Variants in GALNT12 observed in about 807,000 individuals in gnomAD.
GALNT12 encodes the protein polypeptide N-acetylgalactosaminyltransferase 12, also known as UDP-GalNAc:polypeptide N-acetylgalactosaminyltransferase 12.
A neutral mutation model predicts 55.5 loss-of-function variants in GALNT12; 45 were observed. The ratio of observed to expected loss-of-function variants is 0.81; its 90% CI spans 0.64 to 1.04. The LOEUF is 1.04. Ranked by LOEUF, GALNT12 falls within the 50% of genes least tolerant of loss-of-function variation. The probability of loss-of-function intolerance (pLI) is 0.00; values close to 1 mark genes in which losing one functional copy is unlikely to be tolerated. For missense variants in GALNT12, 709 were observed against 754.8 expected, an observed-to-expected ratio of 0.94 and a Z score of 0.71; for synonymous variants, 304 against 312.2, an observed-to-expected ratio of 0.97 and a Z score of 0.28.
chr9:98,826,210 G>C (rs1004485091), intron 2 of GALNT12, among the ~76,000 whole-genome samples: 2 of 152,136 alleles, frequency 1.3e-5, no homozygotes, highest in Non-Finnish European at 2.9e-5. Context: ...TCAGAGGATT[G>C]TTATGAGGAT....
Position 98,834,160 on chromosome 9 carries a change from C to T in GALNT12, c.918-1089C>T, listed in dbSNP as rs141514768. Among the ~76,000 whole-genome samples the T allele has an allele frequency of 1.8e-4, 28 of 152,018 alleles. 1 individual carries two copies. The East Asian group carries it at 5.2e-3, about 28-fold the overall frequency. ...TCAAGTTGGGGTCTCGCTTTGTCAC[C>T]CAGGCTGGAGTGCAGTGGCATGATC... On this transcript the variant is annotated intron_variant, in intron 4 of 9. Transcript: ENST00000375011.
intron 1 of GALNT12, among the ~76,000 whole-genome samples, chr9:98,822,534 GGGGGGCAGGTGGCAGC>G (rs1835768966): frequency 6.6e-6 from 1 of 152,220 alleles, no homozygotes; most frequent in South Asian, 2.1e-4. Flanking sequence ...ACCACATCTT[GGGGGGCAGGTGGCAGC>G]GGGGATTTGG....
chr9:98,832,356 C>CA lies in GALNT12; in HGVS notation c.917+406dup, dbSNP rs1294184123. On this transcript the variant is annotated intron_variant, in intron 4 of 9. Coordinates refer to ENST00000375011, the MANE Select transcript of GALNT12 (RefSeq NM_024642.5). ...GCAACATAGCAAGAACCTATCTCTA[C>CA]AAAAAAATAAAAATTAGCTGAGCAT... Among the ~76,000 whole-genome samples, 10 of 151,776 alleles carry CA rather than the reference C, an allele frequency of 6.6e-5. 1 individual carries two copies. The South Asian group carries it at 1.7e-3, about 25-fold the overall frequency.
At chr9:98,833,283 G>A (rs945787066) in intron 4 of GALNT12, among the ~76,000 whole-genome samples, 5 of 152,188 alleles carry the variant, frequency 3.3e-5, no homozygotes, top group African/African-American at 9.7e-5. Flanking sequence ...AGTAGGCTCT[G>A]AGTTTTGCGT....
intron 3 of GALNT12, 79 bp downstream of exon 3, chr9:98,827,020 T>C: frequency 1.4e-6 from 2 of 1,464,452 alleles, no homozygotes; most frequent in South Asian, 1.2e-5. Context: ...ATCACGTCAC[T>C]TGAGGGTTAA....
At chr9:98,839,943 G>T in intron 6 of GALNT12, 59 bp from the exon 7 acceptor site, 1 of 1,609,514 alleles carries the variant, frequency 6.2e-7, no homozygotes, top group South Asian at 1.1e-5. Flanking sequence ...AGTGAACACA[G>T]GGGCTTTGAA....
chr9:98,843,386 T>C (rs1836339414), intron 7 of GALNT12, among the ~76,000 whole-genome samples: 1 of 152,068 alleles, frequency 6.6e-6, no homozygotes, highest in South Asian at 2.1e-4. Flanking sequence ...TGCTCTAAAG[T>C]GATTTAAATT....
chr9:98,846,179 T>C (rs1338969577), intron 9 of GALNT12, 56 bp downstream of exon 9: 4 of 1,598,520 alleles, frequency 2.5e-6, no homozygotes, highest in Non-Finnish European at 3.4e-6. Flanking sequence ...TAAGGGAGAG[T>C]GTGAGAGTCA....
chr9:98,845,278 T>A (rs1018545305), intron 8 of GALNT12, among the ~76,000 whole-genome samples: 1 of 152,118 alleles, frequency 6.6e-6, no homozygotes, highest in Non-Finnish European at 1.5e-5. Context: ...CTGTGCGCCT[T>A]AAGAACACCC....
chr9:98,833,759 G>A (rs1836062786), intron 4 of GALNT12, among the ~76,000 whole-genome samples: 1 of 152,094 alleles, frequency 6.6e-6, no homozygotes. Context: ...TTTGGAAACT[G>A]AGACACAGAG....
intron 3 of GALNT12, among the ~76,000 whole-genome samples, chr9:98,830,205 A>AG (rs2118402807): frequency 6.6e-6 from 1 of 152,300 alleles, no homozygotes; most frequent in South Asian, 2.1e-4. Flanking sequence ...AAAGCTCCCC[A>AG]GGGGACTTTG....
rs371126305 is a variant in GALNT12 at position 98,811,991 on chromosome 9, G to T, written c.371+3922G>T. Among the ~76,000 whole-genome samples the T allele has an allele frequency of 9.2e-5, 14 of 152,208 alleles. No homozygotes were observed. In the East Asian group the frequency reaches 2.1e-3, roughly 23 times the overall value. ...AGCCACCATGCCCAGCCTCAAAGTG[G>T]TTCTAAACAGGTAATTAAGCAAAAG... On this transcript the variant is annotated intron_variant, in intron 1 of 9. Coordinates refer to ENST00000375011, the MANE Select transcript of GALNT12 (RefSeq NM_024642.5).
At position 98,826,891 on chromosome 9, in the gene GALNT12, G is replaced by A; in HGVS notation, c.681G>A (p.Leu227=). Residue 227 remains leucine, a synonymous_variant, in exon 3 of 10, where the codon CTG becomes CTA. Coordinates refer to ENST00000375011, the MANE Select transcript of GALNT12 (RefSeq NM_024642.5). ...CGAGGGGCGATGTTCTGACCTTCCTGGACTGTCACTGTGAGTGCCACGAAG... is the reference window on the plus strand; with the variant it reads ...CGAGGGGCGATGTTCTGACCTTCCTAGACTGTCACTGTGAGTGCCACGAAG... The part of the protein sequence containing the change: ...SAARGDVLTF[L]DCHCECHEGW... The A allele has an allele frequency of 6.3e-7, 1 of 1,587,274 alleles. No homozygotes were observed. The highest frequency in any genetic ancestry group is 8.6e-7 in the Non-Finnish European group (1 of 1,166,892).
chr9:98,843,952 T>G (rs1836354951), intron 7 of GALNT12, 144 bp from the exon 8 acceptor site: 2 of 659,578 alleles, frequency 3.0e-6, no homozygotes, highest in Admixed American at 4.7e-5. Context: ...AGCTAGAAGG[T>G]GCTGTACAGA....
chr9:98,835,293 AT>A lies in GALNT12; in HGVS notation c.966del (p.Phe322LeufsTer89), dbSNP rs1252590757. 1 of 1,613,986 alleles carries A rather than the reference AT, an allele frequency of 6.2e-7. No homozygotes were observed. Among genetic ancestry groups the A allele is most frequent in the Non-Finnish European group, 8.5e-7 (1 of 1,179,966 alleles). On this transcript the variant is annotated frameshift_variant, in exon 5 of 10. Transcript: ENST00000375011. LOFTEE classifies it high-confidence loss of function. ...GGGCTGTTTGCTGTGAGTAAGAAAT[AT>A]TTTGAATATCTGGGGTCTTATGATA... ...AGGLFAVSKKYFEYLGSYDTG... is the reference protein window; with the variant it reads ...AGGLFAVSKKXFEYLGSYDTG...
At chr9:98,826,181 G>T (rs1192404098) in intron 2 of GALNT12, among the ~76,000 whole-genome samples, 1 of 152,060 alleles carries the variant, frequency 6.6e-6, no homozygotes, top group African/African-American at 2.4e-5. Flanking sequence ...GTGAAATAGG[G>T]ATAATACTAT....
Position 98,845,989 on chromosome 9 carries a change from A to G in GALNT12, c.1471A>G (p.Thr491Ala), listed in dbSNP as rs759388241. The G allele has an allele frequency of 2.5e-6, 4 of 1,614,132 alleles. No individual in the cohort carries two copies. In the South Asian group the frequency reaches 4.4e-5, roughly 18 times the overall value. ...GCCCCATTTTTAGTTTTTCGAGTAC[A>G]CGTCCCAGAAAGAAATACGCTATAA... Reference protein sequence around the residue: ...GMGQNQFFEYTSQKEIRYNTH... With the variant: ...GMGQNQFFEYASQKEIRYNTH... Residue 491 changes from threonine (T) to alanine (A), a missense_variant, in exon 9 of 10, where the codon ACG becomes GCG. This residue lies in a region of GALNT12 where 262 missense variants were observed against 310.7 expected (regional missense o/e 0.84). Coordinates refer to ENST00000375011, the MANE Select transcript of GALNT12 (RefSeq NM_024642.5).
chr9:98,846,450 T>C (rs1209839088), intron 9 of GALNT12, among the ~76,000 whole-genome samples: 1 of 152,076 alleles, frequency 6.6e-6, no homozygotes, highest in Non-Finnish European at 1.5e-5. Flanking sequence ...CATTCAGAGA[T>C]GAAAGGGCTT....
intron 9 of GALNT12, among the ~76,000 whole-genome samples, chr9:98,848,017 T>C (rs565639754): frequency 6.6e-6 from 1 of 152,244 alleles, no homozygotes; most frequent in South Asian, 2.1e-4. Flanking sequence ...TTTTGCCATG[T>C]TGGCCAGGCT....
Sources: gnomAD v4.1 joint callset for allele counts (sites outside exome capture counted in the v4.1 genomes callset) on GRCh38, gnomAD v4.1.1 for gene constraint, gnomAD v4.1.1 regional missense constraint, MANE v1.5 for transcripts, NCBI Gene and HGNC (gene_info 2026-07-23, HGNC 2026-07-21) for gene names.